MRPS21: variants seen among roughly 807,000 people sequenced by gnomAD.
MRPS21 encodes mitochondrial ribosomal protein S21.
In MRPS21, 8 loss-of-function variants were observed where a neutral mutation model predicts 9.9. The observed-to-expected ratio is 0.81, with a 90% CI of 0.47 to 1.45. The LOEUF (loss-of-function observed/expected upper bound fraction) is 1.45. Among genes scored for constraint, MRPS21 ranks in the 40% most tolerant of loss-of-function variants. The probability of loss-of-function intolerance (pLI) is 0.00; values close to 1 mark genes in which losing one functional copy is unlikely to be tolerated. For synonymous variants in MRPS21, 40 were observed against 40.3 expected (o/e 0.99, Z 0.03); for missense variants, 101 against 118.9 (o/e 0.85, Z 0.70).
chr1:150,301,566 C>T (rs1489614205), intron 2 of MRPS21, among the ~76,000 whole-genome samples: 17 of 152,006 alleles, frequency 1.1e-4, no homozygotes, highest in Non-Finnish European at 2.4e-4. Context: ...TATAGCTTCG[C>T]GGGGCAGGGG....
At chr1:150,295,967 T>G (rs1653901955) in intron 2 of MRPS21, among the ~76,000 whole-genome samples, 1 of 120,450 alleles carries the variant, frequency 8.3e-6, no homozygotes, top group South Asian at 2.5e-4. Flanking sequence ...TTTTTTTTTT[T>G]TTTAAAACGG....
chr1:150,308,283 C>T lies in MRPS21; in HGVS notation c.*55C>T. On this transcript the variant is annotated 3_prime_UTR_variant, in exon 3 of 3. Transcript: ENST00000614145. ...CCCTCATCCAGTTTTCTCTCCATCT[C>T]TTTTCTTTGTACAATCCCATTTCCT... 6.5e-7 allele frequency: 1 copy of T among 1,531,316 alleles called. No individual in the cohort carries two copies. The highest frequency in any genetic ancestry group is 8.9e-7 in the Non-Finnish European group (1 of 1,121,984). 94.9% of individuals were successfully genotyped at this position (1,531,316 alleles called of 1,614,324 possible). A position where few individuals can be genotyped will look rare whatever the true frequency, so the allele number is the denominator to read the frequency against.
At chr1:150,307,708 C>T (rs1305162226) in intron 2 of MRPS21, among the ~76,000 whole-genome samples, 8 of 152,020 alleles carry the variant, frequency 5.3e-5, no homozygotes, top group South Asian at 2.1e-4. Flanking sequence ...CCTCGTGAGT[C>T]GCTAGCACTA....
Position 150,294,366 on chromosome 1 carries a change from C to A in MRPS21, c.-1C>A. The A allele has an allele frequency of 6.2e-7, 1 of 1,612,750 alleles. No individual in the cohort carries two copies. Among genetic ancestry groups the A allele is most frequent in the South Asian group, 1.1e-5 (1 of 91,002 alleles). On this transcript the variant is annotated 5_prime_UTR_variant, in exon 2 of 3. Coordinates refer to ENST00000614145, the MANE Select transcript of MRPS21 (RefSeq NM_031901.6). ...CAGAGTGAAGGTTTAAATCCAAGGT[C>A]ATGGCAAAACATCTGAAGTTCATCG...
At chr1:150,303,523 T>TG (rs1429432175) in intron 2 of MRPS21, among the ~76,000 whole-genome samples, 1 of 152,218 alleles carries the variant, frequency 6.6e-6, no homozygotes, top group African/African-American at 2.4e-5. Flanking sequence ...CCATGGATAC[T>TG]GCAACAGTTT....
chr1:150,303,968 GAC>G, intron 2 of MRPS21: 1 of 454,806 alleles, frequency 2.2e-6, no homozygotes, highest in Admixed American at 2.4e-5. Context: ...CCTTAGAAAA[GAC>G]ACAACCCAAT....
Position 150,308,152 on chromosome 1 carries a change from T to TCTAC in MRPS21, c.189_192dup (p.Asn65LeufsTer87). The TCTAC allele has an allele frequency of 6.2e-7, 1 of 1,609,736 alleles. No individual in the cohort carries two copies. Among genetic ancestry groups the TCTAC allele is most frequent in the Admixed American group, 1.7e-5 (1 of 59,944 alleles). On this transcript the variant is annotated frameshift_variant, in exon 3 of 3. Coordinates refer to ENST00000614145, the MANE Select transcript of MRPS21 (RefSeq NM_031901.6). LOFTEE classifies it high-confidence loss of function. ...GAAAGCTATGAAAGGTGCCGGCGGA[T>TCTAC]CTACAACATGGAAATGGCTCGCAAG...
chr1:150,302,088 C>A (rs1654157690), intron 2 of MRPS21, among the ~76,000 whole-genome samples: 3 of 152,130 alleles, frequency 2.0e-5, no homozygotes, highest in African/African-American at 7.2e-5. Context: ...GTATATCTTT[C>A]TCACACTCCA....
intron 2 of MRPS21, among the ~76,000 whole-genome samples, chr1:150,305,428 T>G (rs1654294215): frequency 6.6e-6 from 1 of 152,136 alleles, no homozygotes; most frequent in South Asian, 2.1e-4. Flanking sequence ...TGATAACAAT[T>G]GATTTGGGCC....
At chr1:150,302,537 C>T (rs1181652522) in intron 2 of MRPS21, among the ~76,000 whole-genome samples, 2 of 152,162 alleles carry the variant, frequency 1.3e-5, no homozygotes, top group Non-Finnish European at 2.9e-5. Flanking sequence ...GAGTCTGCCA[C>T]CCGCACCTCC....
rs1251470642 is a variant in MRPS21, at chr1:150,293,917, T to G, written c.-33+19T>G. On this transcript the variant is annotated intron_variant, in intron 1 of 2. Coordinates refer to ENST00000614145, the MANE Select transcript of MRPS21 (RefSeq NM_031901.6). ...GCGCGAGGTGAGGAGTTGTGCAGGG[T>G]TTGGGGAAAGGAAGGCTGGCTTGGC... 10 of 201,970 alleles carry G rather than the reference T, an allele frequency of 5.0e-5. No individual in the cohort carries two copies. The highest frequency in any genetic ancestry group is 2.3e-4 in the African/African-American group (10 of 43,414). 12.5% of individuals were successfully genotyped at this position (201,970 alleles called of 1,614,324 possible). A position where few individuals can be genotyped will look rare whatever the true frequency, so the allele number is the denominator to read the frequency against.
intron 1 of MRPS21, chr1:150,294,127 C>T (rs1653824732): frequency 4.0e-5 from 18 of 449,534 alleles, no homozygotes; most frequent in South Asian, 3.9e-4. Context: ...GCTGCCATCT[C>T]TTTTCTTCTC....
chr1:150,304,091 A>G (rs937095033), intron 2 of MRPS21: 9 of 378,098 alleles, frequency 2.4e-5, no homozygotes, highest in East Asian at 7.4e-5. Context: ...TGGGTGGATC[A>G]CCTGAGGTCA....
chr1:150,307,348 CTTTTTTTTTTT>C lies in MRPS21; in HGVS notation c.84-688_84-678del, dbSNP rs1572154026. 5.7e-5 allele frequency among the ~76,000 whole-genome samples: 5 copies of C among 87,518 alleles called. No homozygotes were observed. The South Asian group carries it at 1.6e-3, about 28-fold the overall frequency. 57.4% of individuals were successfully genotyped at this position (87,518 alleles called of 152,430 possible). The stretch of plus-strand genomic sequence containing the variant: ...CAGGCATGAGTCACTGTGCCCAGTC[CTTTTTTTTTTT>C]TTTTTTTTTTTCCTTTGAGTCAAGG... On this transcript the variant is annotated intron_variant, in intron 2 of 2. Transcript: ENST00000614145.
intron 2 of MRPS21, chr1:150,301,316 C>T (rs1327114083): frequency 1.8e-5 from 5 of 284,332 alleles, no homozygotes; most frequent in South Asian, 8.1e-5. Flanking sequence ...ACCTGGGGGA[C>T]GAGAGCGAGA....
At chr1:150,306,035 G>A (rs1553858466) in intron 2 of MRPS21, among the ~76,000 whole-genome samples, 1 of 152,130 alleles carries the variant, frequency 6.6e-6, no homozygotes, top group East Asian at 1.9e-4. Flanking sequence ...AAGATCCCTG[G>A]GCAGTTCTGA....
intron 2 of MRPS21, among the ~76,000 whole-genome samples, chr1:150,297,493 G>A (rs1449188847): frequency 6.6e-6 from 1 of 151,988 alleles, no homozygotes; most frequent in Non-Finnish European, 1.5e-5. Flanking sequence ...CCAACATAGC[G>A]AAACCCTGTC....
At chr1:150,305,074 G>A (rs1572151872) in intron 2 of MRPS21, 1 of 326,544 alleles carries the variant, frequency 3.1e-6, no homozygotes, top group East Asian at 1.3e-4. Context: ...TGCTTGCCCA[G>A]GCTGGAGTGC....
chr1:150,300,298 G>A (rs781972849), intron 2 of MRPS21, among the ~76,000 whole-genome samples: 7 of 151,596 alleles, frequency 4.6e-5, no homozygotes, highest in Non-Finnish European at 8.8e-5. Flanking sequence ...AGCCGAGATC[G>A]CGCCACTGCA....
Sources: allele counts gnomAD v4.1 joint callset (sites outside exome capture counted in the v4.1 genomes callset), GRCh38; gene constraint gnomAD v4.1.1; transcripts MANE v1.5; gene names NCBI Gene and HGNC (gene_info 2026-07-23, HGNC 2026-07-21).